The following PDE8B variants were observed in gnomAD, a reference collection of about 807,000 sequenced individuals.
PDE8B encodes phosphodiesterase 8B.
Under a neutral mutation model 101.3 loss-of-function variants are expected in PDE8B, and 26 were observed. The ratio of observed to expected loss-of-function variants is 0.26; its 90% CI spans 0.19 to 0.36. The LOEUF is 0.36. PDE8B is among the 10% of genes least tolerant of loss of function. The pLI, the probability that PDE8B is intolerant of heterozygous loss-of-function variation, is 1.00. For synonymous variants in PDE8B, 424 were observed against 429.3 expected (o/e 0.99, Z 0.15); for missense variants, 810 against 1,163.1 (o/e 0.70, Z 4.42).
chr5:77,306,638 T>TG (rs1771277198), intron 1 of PDE8B, among the ~76,000 whole-genome samples: 1 of 152,200 alleles, frequency 6.6e-6, no homozygotes, highest in African/African-American at 2.4e-5. Flanking sequence ...GCTTCCCTCT[T>TG]GTCTGAGGAA....
At chr5:77,394,531 T>G (rs1006976855) in intron 10 of PDE8B, among the ~76,000 whole-genome samples, 7 of 152,200 alleles carry the variant, frequency 4.6e-5, no homozygotes, top group Admixed American at 2.0e-4. Flanking sequence ...ACAAGCACTC[T>G]GGCATGCTAC....
At chr5:77,254,290 C>T (rs756060946) in intron 1 of PDE8B, among the ~76,000 whole-genome samples, 12 of 151,852 alleles carry the variant, frequency 7.9e-5, no homozygotes, top group Non-Finnish European at 1.8e-4. Flanking sequence ...GCATTATGCT[C>T]GGAAAAGAAC....
chr5:77,095,602 T>G, the PDE8B span, among the ~76,000 whole-genome samples: 8 of 152,216 alleles, frequency 5.3e-5, no homozygotes, highest in African/African-American at 1.9e-4. Flanking sequence ...CTATTCATCA[T>G]TGTTCCTTTT....
chr5:77,200,638 G>A, the PDE8B span, among the ~76,000 whole-genome samples: 40 of 152,226 alleles, frequency 2.6e-4, no homozygotes, highest in African/African-American at 9.4e-4. Context: ...GTGTACAGAA[G>A]TAGTTTTCAA....
At chr5:77,091,061 A>G in the PDE8B span, among the ~76,000 whole-genome samples, 1 of 152,142 alleles carries the variant, frequency 6.6e-6, no homozygotes, top group Non-Finnish European at 1.5e-5. Context: ...CATTTCTCTA[A>G]TCTTCACCAA....
the PDE8B span, among the ~76,000 whole-genome samples, chr5:77,170,777 T>C: frequency 6.6e-6 from 1 of 152,220 alleles, no homozygotes; most frequent in African/African-American, 2.4e-5. Flanking sequence ...TCTAGATAAA[T>C]ATGTGAAATA....
chr5:77,138,458 T>A, the PDE8B span, among the ~76,000 whole-genome samples: 7 of 152,226 alleles, frequency 4.6e-5, no homozygotes, highest in Non-Finnish European at 8.8e-5. Context: ...CTGGAAGCCC[T>A]TTCCAGAGCT....
chr5:77,119,377 G>A, the PDE8B span: 1 of 152,256 alleles, frequency 6.6e-6, no homozygotes, highest in African/African-American at 2.4e-5. Context: ...GAATGTTCAT[G>A]GCCTGGCGTG....
At chr5:77,087,410 T>C in the PDE8B span, 1 of 152,246 alleles carries the variant, frequency 6.6e-6, no homozygotes, top group Non-Finnish European at 1.5e-5. Context: ...GTAACTATTG[T>C]TTTACAACTT....
the PDE8B span, among the ~76,000 whole-genome samples, chr5:77,130,841 G>A: frequency 1.3e-5 from 2 of 152,160 alleles, no homozygotes; most frequent in Non-Finnish European, 2.9e-5. Flanking sequence ...CTGAATTGTA[G>A]AAAAGAGATT....
intron 1 of PDE8B, among the ~76,000 whole-genome samples, chr5:77,213,205 C>A (rs577760369): frequency 6.6e-6 from 1 of 152,302 alleles, no homozygotes; most frequent in East Asian, 1.9e-4. Context: ...AAAGGCTTGA[C>A]CTGGGTAGGA....
At chr5:77,298,647 A>T (rs1362205492) in intron 1 of PDE8B, among the ~76,000 whole-genome samples, 19 of 152,204 alleles carry the variant, frequency 1.2e-4, no homozygotes, top group Admixed American at 1.2e-3. Flanking sequence ...TAGACCCGCC[A>T]TTTGGTTCAC....
chr5:77,120,734 G>A, the PDE8B span, among the ~76,000 whole-genome samples: 1 of 152,192 alleles, frequency 6.6e-6, no homozygotes, highest in African/African-American at 2.4e-5. Flanking sequence ...GGCTACAACT[G>A]AGCAACTGTT....
chr5:77,131,552 C>A, the PDE8B span, among the ~76,000 whole-genome samples: 1 of 152,206 alleles, frequency 6.6e-6, no homozygotes, highest in South Asian at 2.1e-4. Context: ...AGCCATTTAA[C>A]CTCATTCATC....
Position 77,210,893 on chromosome 5 carries a change from G to C in PDE8B, c.-33G>C, listed in dbSNP as rs2149370267. 1 of 1,264,026 alleles carries C rather than the reference G, an allele frequency of 7.9e-7. No individual in the cohort carries two copies. The allele number at this position is 1,264,026 out of a possible 1,614,324, so 78.3% of individuals were successfully genotyped here. A position where few individuals can be genotyped will look rare whatever the true frequency, so the allele number is the denominator to read the frequency against. The stretch of plus-strand genomic sequence containing the variant: ...GCGCTGGGTCCCGGCGGCCGCGGGC[G>C]CGGGCGGGCGCGCGGGGGAGCCCGG... On this transcript the variant is annotated 5_prime_UTR_variant, in exon 1 of 22. Transcript: ENST00000264917. This position sits in a 1 kb window ranked among gnomAD's most constrained non-coding sequence, Gnocchi z 4.9.
At chr5:77,262,795 C>G (rs1441191979) in intron 1 of PDE8B, among the ~76,000 whole-genome samples, 1 of 152,186 alleles carries the variant, frequency 6.6e-6, no homozygotes, top group African/African-American at 2.4e-5. Flanking sequence ...GTTTTCTCTC[C>G]TAAAGTCTAT....
intron 14 of PDE8B, among the ~76,000 whole-genome samples, chr5:77,409,913 C>A (rs1794203703): frequency 6.6e-6 from 1 of 152,244 alleles, no homozygotes; most frequent in Admixed American, 6.5e-5. Flanking sequence ...TCTTTCTTGC[C>A]CCTGGGCTGG....
In PDE8B at chr5:77,353,456, C is replaced by A. The variant is rs759215696; in HGVS notation, c.1167+50C>A. 10 of 993,212 alleles carry A rather than the reference C, an allele frequency of 1.0e-5. No homozygotes were observed. In the South Asian group the frequency reaches 1.3e-4, roughly 13 times the overall value. The allele number at this position is 993,212 out of a possible 1,614,324, so 61.5% of individuals were successfully genotyped here. A position where few individuals can be genotyped will look rare whatever the true frequency, so the allele number is the denominator to read the frequency against. ...GCTCTGTCTGTTTGGCCATGCGTCA[C>A]CTCTGTTCTCTGCTTATCTCACCAC... On this transcript the variant is annotated intron_variant, in intron 10 of 21. Coordinates refer to ENST00000264917, the MANE Select transcript of PDE8B (RefSeq NM_003719.5).
chr5:77,118,392 TC>T, the PDE8B span: 2 of 398,648 alleles, frequency 5.0e-6, no homozygotes, highest in South Asian at 2.5e-4. Context: ...GGGGAGCTTC[TC>T]TCTCAGCCTC....
Sources: gnomAD v4.1 joint callset for allele counts (sites outside exome capture counted in the v4.1 genomes callset) on GRCh38, gnomAD v4.1.1 for gene constraint, Gnocchi (gnomAD v3.1) non-coding constraint, MANE v1.5 for transcripts, NCBI Gene and HGNC (gene_info 2026-07-23, HGNC 2026-07-21) for gene names.